The following CLASP1 variants were observed in gnomAD, a reference collection of about 807,000 sequenced individuals.
The protein encoded by CLASP1 is cytoplasmic linker associated protein 1, also known as CLIP-associating protein 1.
CLASP1 carries 38 observed loss-of-function variants against 192.3 expected under a neutral mutation model. That is an observed-to-expected ratio of 0.20 (90% confidence interval 0.15 to 0.26). The LOEUF is 0.26. Ranked by LOEUF, CLASP1 falls within the 10% of genes least tolerant of loss-of-function variation. The pLI is 1.00. For synonymous variants in CLASP1, 691 were observed against 712.8 expected (o/e 0.97, Z 0.49); for missense variants, 1,433 against 1,932.5 (o/e 0.74, Z 4.85).
intron 6 of CLASP1, among the ~76,000 whole-genome samples, chr2:121,525,260 C>A (rs1455213142): frequency 6.6e-6 from 1 of 152,140 alleles, no homozygotes; most frequent in Non-Finnish European, 1.5e-5. Context: ...TGTGAATTGC[C>A]TGGTAACTCA....
intron 23 of CLASP1, among the ~76,000 whole-genome samples, chr2:121,417,771 T>C (rs2078846363): frequency 6.6e-6 from 1 of 152,228 alleles, no homozygotes; most frequent in African/African-American, 2.4e-5. Context: ...TAGAAGGGGC[T>C]AGGTAGAGGC....
In CLASP1 at chr2:121,535,912, T is replaced by C. The variant is rs1030690588; in HGVS notation, c.196-5587A>G. On this transcript the variant is annotated intron_variant, in intron 2 of 39. Transcript: ENST00000263710. ...TCTGGACTCAAGCGATCCGACTGTG[T>C]TGGCCTCCCAGAGTGCTGGGATTAC... Among the ~76,000 whole-genome samples the C allele has an allele frequency of 2.6e-5, 4 of 152,014 alleles. No homozygotes were observed. The East Asian group carries it at 7.8e-4, about 30-fold the overall frequency.
At chr2:121,571,856 C>A (rs1435640902) in intron 2 of CLASP1, among the ~76,000 whole-genome samples, 2 of 152,022 alleles carry the variant, frequency 1.3e-5, no homozygotes, top group Admixed American at 6.5e-5. Context: ...GTATCATGCT[C>A]AGGTGTTTGG....
intron 30 of CLASP1, among the ~76,000 whole-genome samples, chr2:121,395,722 G>C (rs2075175129): frequency 6.6e-6 from 1 of 152,130 alleles, no homozygotes; most frequent in Non-Finnish European, 1.5e-5. Context: ...CAGAAAACCA[G>C]GCAGGTATTC....
intron 1 of CLASP1, among the ~76,000 whole-genome samples, chr2:121,629,162 G>A (rs374541226): frequency 2.7e-5 from 4 of 150,938 alleles, no homozygotes; most frequent in African/African-American, 4.9e-5. Flanking sequence ...AGGCCAAGAC[G>A]GGCAGATCAT....
intron 22 of CLASP1, among the ~76,000 whole-genome samples, chr2:121,423,495 G>GA (rs975792643): frequency 2.0e-5 from 3 of 151,458 alleles, no homozygotes; most frequent in Non-Finnish European, 2.9e-5. Context: ...AATATAAAAG[G>GA]AAAAAAAATC....
intron 2 of CLASP1, chr2:121,530,892 C>CT: frequency 4.3e-6 from 3 of 693,816 alleles, no homozygotes; most frequent in Non-Finnish European, 7.9e-6. Flanking sequence ...CCATCCTTTT[C>CT]TTGGGGTTGC....
exon 2 of CLASP1, chr2:121,605,938 C>A: frequency 1.3e-6 from 2 of 1,565,970 alleles, no homozygotes; most frequent in South Asian, 2.3e-5. Context: ...AGAGGGCAGT[C>A]ACGATGACTC....
Position 121,424,738 on chromosome 2 carries a change from T to C in CLASP1, c.2212+401A>G, listed in dbSNP as rs184184457. On this transcript the variant is annotated intron_variant, in intron 22 of 39. Transcript: ENST00000263710. ...CAATTAGATTAGAGAAGATCAGAAT[T>C]AAAATAAATGTGGACCCTAAATGCT... Among the ~76,000 whole-genome samples, 134 of 152,336 alleles carry C rather than the reference T, an allele frequency of 8.8e-4. No individual in the cohort carries two copies. The East Asian group carries it at 0.016, about 18-fold the overall frequency.
rs965635473 is a variant in CLASP1, at chr2:121,471,159, T to G, written c.713-1199A>C. ...TGTCAGATATGGCGGCGTGTGCCTG[T>G]AGTCCCAGATACTCAGAAGGCTGAG... On this transcript the variant is annotated intron_variant, in intron 8 of 39. Transcript: ENST00000263710. Among the ~76,000 whole-genome samples, 45 of 152,298 alleles carry G rather than the reference T, an allele frequency of 3.0e-4. 1 individual carries two copies. The highest frequency in any genetic ancestry group is 1.1e-3 in the African/African-American group (44 of 41,572).
intron 34 of CLASP1, among the ~76,000 whole-genome samples, chr2:121,369,691 T>C (rs1162793885): frequency 6.6e-6 from 1 of 152,218 alleles, no homozygotes; most frequent in Non-Finnish European, 1.5e-5. Flanking sequence ...GCACTTCCCG[T>C]GTGGATGAAG....
intron 1 of CLASP1, among the ~76,000 whole-genome samples, chr2:121,614,969 T>C (rs1357531803): frequency 6.6e-6 from 1 of 152,230 alleles, no homozygotes; most frequent in Non-Finnish European, 1.5e-5. Flanking sequence ...TAAGAAGGCT[T>C]GGAATGACCA....
intron 8 of CLASP1, among the ~76,000 whole-genome samples, chr2:121,497,972 G>A (rs907936276): frequency 5.3e-5 from 8 of 152,066 alleles, no homozygotes; most frequent in South Asian, 2.1e-4. Flanking sequence ...TGATCCGCCC[G>A]CCTTGGCCTC....
At position 121,465,460 on chromosome 2, in the gene CLASP1, A is replaced by C. The variant is rs185764006; in HGVS notation, c.866-2855T>G. Among the ~76,000 whole-genome samples the C allele has an allele frequency of 4.2e-3, 637 of 151,952 alleles. 4 individuals are homozygous for C. Among genetic ancestry groups the C allele is most frequent in the African/African-American group, 0.015 (613 of 41,478 alleles). On this transcript the variant is annotated intron_variant, in intron 9 of 39. Coordinates refer to ENST00000263710, the Ensembl canonical transcript of CLASP1. ...ATAAAATACCTAGGAATCCAACTTA[A>C]AAGGGATGTGAAGGACCTCTTTAAG...
intron 1 of CLASP1, among the ~76,000 whole-genome samples, chr2:121,627,298 A>C (rs1465412103): frequency 6.6e-6 from 1 of 152,212 alleles, no homozygotes; most frequent in Non-Finnish European, 1.5e-5. Context: ...AGTTAAAGAA[A>C]ACAAAAGAAG....
chr2:121,521,380 A>T (rs2094452014), intron 6 of CLASP1, among the ~76,000 whole-genome samples: 1 of 152,172 alleles, frequency 6.6e-6, no homozygotes, highest in African/African-American at 2.4e-5. Flanking sequence ...ACAAAGCAGC[A>T]GCCTCCTCTC....
chr2:121,378,523 A>T (rs114571188), intron 33 of CLASP1, among the ~76,000 whole-genome samples: 1 of 152,200 alleles, frequency 6.6e-6, no homozygotes, highest in Admixed American at 6.5e-5. Flanking sequence ...AAGTGCACTG[A>T]AACAGGGAGA....
chr2:121,434,556 G>A (rs897812081), intron 19 of CLASP1, among the ~76,000 whole-genome samples: 2 of 152,122 alleles, frequency 1.3e-5, no homozygotes, highest in African/African-American at 4.8e-5. Context: ...GTGAGCCATT[G>A]TACCTGGCTT....
chr2:121,588,910 T>C (rs2062042022), intron 2 of CLASP1, among the ~76,000 whole-genome samples: 1 of 152,156 alleles, frequency 6.6e-6, no homozygotes, highest in Non-Finnish European at 1.5e-5. Flanking sequence ...CACAGCCATG[T>C]CTCCCCGGCT....
Sources: gnomAD v4.1 joint callset for allele counts (sites outside exome capture counted in the v4.1 genomes callset) on GRCh38, gnomAD v4.1.1 for gene constraint, MANE v1.5 for transcripts, NCBI Gene and HGNC (gene_info 2026-07-23, HGNC 2026-07-21) for gene names.